The following MED13 variants were observed in gnomAD, a reference collection of about 807,000 sequenced individuals.
MED13 encodes mediator of RNA polymerase II transcription subunit 13.
Under a neutral mutation model 225.2 loss-of-function variants are expected in MED13, and 23 were observed. That is an observed-to-expected ratio of 0.10 (90% CI 0.07 to 0.14). MED13 has a LOEUF of 0.14. Ranked by LOEUF, MED13 falls within the 10% of genes least tolerant of loss-of-function variation. MED13 has a pLI of 1.00. For missense variants in MED13, 2,197 were observed against 2,594.5 expected (o/e 0.85, Z 3.33); for synonymous variants, 942 against 889.2 (o/e 1.06, Z -1.06).
intron 8 of MED13, among the ~76,000 whole-genome samples, chr17:62,022,664 A>G (rs1381690349): frequency 6.6e-6 from 1 of 152,210 alleles, no homozygotes; most frequent in East Asian, 1.9e-4. Flanking sequence ...ATATGGAAAG[A>G]TCTGAGGCAC....
chr17:61,946,603 GA>G lies in MED13; in HGVS notation c.6393-4del, dbSNP rs1164752215. On this transcript the variant is annotated splice_polypyrimidine_tract_variant and splice_region_variant and intron_variant, in intron 29 of 29. Transcript: ENST00000397786. ...CATTGTACTGTTCCAAAACAAACCTGAAAAGCAAATAAACTGCATAAGTCAT... is the reference window on the plus strand; with the variant it reads ...CATTGTACTGTTCCAAAACAAACCTGAAAGCAAATAAACTGCATAAGTCAT... The G allele has an allele frequency of 1.9e-6, 3 of 1,608,980 alleles. No individual in the cohort carries two copies. Among genetic ancestry groups the G allele is most frequent in the Non-Finnish European group, 1.7e-6 (2 of 1,178,918 alleles).
chr17:61,989,869 A>T (rs924790918), intron 11 of MED13, among the ~76,000 whole-genome samples: 1 of 152,184 alleles, frequency 6.6e-6, no homozygotes, highest in Non-Finnish European at 1.5e-5. Flanking sequence ...GACCCTATAC[A>T]CATTTTAGGA....
intron 21 of MED13, 102 bp downstream of exon 21, chr17:61,962,650 C>A: frequency 2.1e-6 from 2 of 946,194 alleles, no homozygotes; most frequent in Non-Finnish European, 3.2e-6. Flanking sequence ...TAGAACTTGG[C>A]TTTTAGATAA....
At chr17:62,001,769 A>T (rs2080397333) in intron 9 of MED13, among the ~76,000 whole-genome samples, 1 of 152,212 alleles carries the variant, frequency 6.6e-6, no homozygotes, top group Non-Finnish European at 1.5e-5. Context: ...TTTCCATTAG[A>T]CTACAATTTC....
intron 12 of MED13, among the ~76,000 whole-genome samples, chr17:61,985,356 G>A (rs1336346878): frequency 6.6e-6 from 1 of 152,130 alleles, no homozygotes; most frequent in East Asian, 1.9e-4. Flanking sequence ...ATACACAGAA[G>A]TAAGGTTAAC....
At chr17:61,963,314 G>A (rs1282439385) in intron 20 of MED13, among the ~76,000 whole-genome samples, 1 of 147,666 alleles carries the variant, frequency 6.8e-6, no homozygotes, top group African/African-American at 2.5e-5. Flanking sequence ...GGATAAAACT[G>A]AGACAAAGAT....
At chr17:62,053,162 A>G (rs2080970256) in intron 2 of MED13, among the ~76,000 whole-genome samples, 2 of 152,212 alleles carry the variant, frequency 1.3e-5, no homozygotes, top group African/African-American at 2.4e-5. Flanking sequence ...CATGTCCATC[A>G]GCATTCTAAT....
At chr17:62,023,095 G>A (rs1162964021) in intron 8 of MED13, among the ~76,000 whole-genome samples, 6 of 152,150 alleles carry the variant, frequency 3.9e-5, no homozygotes, top group African/African-American at 1.4e-4. Flanking sequence ...CCACTTCTAG[G>A]GAGAGTGAGT....
Position 61,945,609 on chromosome 17 carries a change from CTAACAATACCACT to C in MED13, c.*846_*858del, listed in dbSNP as rs1277361959. On this transcript the variant is annotated 3_prime_UTR_variant, in exon 30 of 30. Coordinates refer to ENST00000397786, the MANE Select transcript of MED13 (RefSeq NM_005121.3). ...CTCATTTTATTCTAAGTTAAACCAC[CTAACAATACCACT>C]TGTATATTGCCATCATGTTATTCTG... The C allele has an allele frequency of 6.6e-6, 1 of 152,524 alleles. No homozygotes were observed. The highest frequency in any genetic ancestry group is 1.5e-5 in the Non-Finnish European group (1 of 68,014). The allele number at this position is 152,524 out of a possible 1,614,324, so 9.4% of individuals were successfully genotyped here.
chr17:62,024,635 C>T (rs2080682554), intron 8 of MED13, among the ~76,000 whole-genome samples: 1 of 152,122 alleles, frequency 6.6e-6, no homozygotes, highest in Admixed American at 6.6e-5. Flanking sequence ...TATTTCATCA[C>T]ACAGGTATTA....
intron 8 of MED13, among the ~76,000 whole-genome samples, chr17:62,011,471 T>A (rs1422385287): frequency 1.3e-5 from 2 of 152,220 alleles, no homozygotes; most frequent in African/African-American, 4.8e-5. Context: ...AATAGCCATG[T>A]GATCAGACAG....
chr17:62,041,723 G>A (rs752070830), intron 3 of MED13, among the ~76,000 whole-genome samples: 3 of 152,138 alleles, frequency 2.0e-5, no homozygotes, highest in Non-Finnish European at 4.4e-5. Context: ...GACTACAGGT[G>A]TGAGCCACTA....
chr17:61,950,155 T>C (rs1477803735), intron 28 of MED13, among the ~76,000 whole-genome samples: 1 of 152,152 alleles, frequency 6.6e-6, no homozygotes, highest in East Asian at 1.9e-4. Flanking sequence ...TATGCTCACC[T>C]AGAAAATGAG....
rs1364940638 is a variant in MED13 at position 61,945,829 on chromosome 17, T to A, written c.*639A>T. ...AACTGTACATCGAGACAATACAAAT[T>A]TACTGTCCCACCCACCCCCTTACAA... On this transcript the variant is annotated 3_prime_UTR_variant, in exon 30 of 30. Coordinates refer to ENST00000397786, the MANE Select transcript of MED13 (RefSeq NM_005121.3). 6.6e-6 allele frequency: 1 copy of A among 152,428 alleles called. No individual in the cohort carries two copies. The highest frequency in any genetic ancestry group is 2.4e-5 in the African/African-American group (1 of 41,364). The allele number at this position is 152,428 out of a possible 1,614,324, so 9.4% of individuals were successfully genotyped here.
At chr17:62,020,732 G>C (rs566657855) in intron 8 of MED13, among the ~76,000 whole-genome samples, 2 of 143,924 alleles carry the variant, frequency 1.4e-5, no homozygotes, top group African/African-American at 2.6e-5. Flanking sequence ...GGTGTTTCTC[G>C]CAGAGGGGTA....
At chr17:61,978,418 A>C (rs2080175492) in intron 16 of MED13, among the ~76,000 whole-genome samples, 1 of 151,916 alleles carries the variant, frequency 6.6e-6, no homozygotes, top group Non-Finnish European at 1.5e-5. Flanking sequence ...TGCCCAGCTA[A>C]TTTTTGTATT....
chr17:61,963,088 C>T, intron 20 of MED13, 117 bp from the exon 21 acceptor site: 1 of 740,730 alleles, frequency 1.4e-6, no homozygotes, highest in South Asian at 1.8e-5. Flanking sequence ...TGTCAGAAAG[C>T]CTCTCTAAAA....
In MED13 at chr17:61,968,024, T is replaced by C. The variant is rs894421645; in HGVS notation, c.4191+11A>G. On this transcript the variant is annotated intron_variant, in intron 18 of 29. Coordinates refer to ENST00000397786, the MANE Select transcript of MED13 (RefSeq NM_005121.3). Reference sequence around the variant, plus strand: ...GTAGTTTTAAAATGTCATCTCTTTTTAAACACCTACCTCATATATTGCAGT... The same window carrying C: ...GTAGTTTTAAAATGTCATCTCTTTTCAAACACCTACCTCATATATTGCAGT... The C allele has an allele frequency of 6.3e-7, 1 of 1,589,330 alleles. No individual in the cohort carries two copies.
chr17:62,038,189 G>C (rs2080822157), intron 3 of MED13, among the ~76,000 whole-genome samples: 1 of 152,126 alleles, frequency 6.6e-6, no homozygotes, highest in Middle Eastern at 3.4e-3. Context: ...TTGAGCCCAG[G>C]GGTTTGGGAC....
Sources: gnomAD v4.1 joint callset for allele counts (sites outside exome capture counted in the v4.1 genomes callset) on GRCh38, gnomAD v4.1.1 for gene constraint, MANE v1.5 for transcripts, NCBI Gene and HGNC (gene_info 2026-07-23, HGNC 2026-07-21) for gene names.